The following CDKN2B-AS1 variants were observed in gnomAD, a reference collection of about 807,000 sequenced individuals.
CDKN2B-AS1 encodes the protein CDKN2B antisense RNA 1 (non-protein coding).
chr9:22,050,062 C>G (rs544089712), intron 3 of CDKN2B-AS1, among the ~76,000 whole-genome samples: 1 of 152,186 alleles, frequency 6.6e-6, no homozygotes, highest in African/African-American at 2.4e-5. Context: ...ATCACTTAAC[C>G]AGTTGATTGC....
At position 22,098,551 on chromosome 9, in the gene CDKN2B-AS1, G is replaced by A. The variant is rs532683578; in HGVS notation, n.439-28552G>A. 5.3e-5 allele frequency among the ~76,000 whole-genome samples: 8 copies of A among 152,078 alleles called. No individual in the cohort carries two copies. The South Asian group carries it at 1.5e-3, about 28-fold the overall frequency. On this transcript the variant is annotated intron_variant and non_coding_transcript_variant, in intron 4 of 4. Transcript: ENST00000650946. ...ATGTCAGTAGCATGTTTGCTTTCAGGGTACATCAAATGCATTCTATAGCAC... is the reference window on the plus strand; with the variant it reads ...ATGTCAGTAGCATGTTTGCTTTCAGAGTACATCAAATGCATTCTATAGCAC...
chr9:22,123,152 C>T (rs1404120036), intron 4 of CDKN2B-AS1, among the ~76,000 whole-genome samples: 1 of 152,032 alleles, frequency 6.6e-6, no homozygotes, highest in Admixed American at 6.6e-5. Context: ...GCTTTTTCAG[C>T]TAGTTCATTG....
intron 1 of CDKN2B-AS1, among the ~76,000 whole-genome samples, chr9:22,018,781 AT>A (rs1234002165): frequency 6.6e-6 from 1 of 152,242 alleles, no homozygotes; most frequent in Non-Finnish European, 1.5e-5. Flanking sequence ...GAAATCTTGA[AT>A]AATTAGCTAT....
rs752359825 is a variant in CDKN2B-AS1, at chr9:22,008,791, CAGCT to C, written n.29+13632_29+13635del. The C allele has an allele frequency of 1.8e-5, 29 of 1,606,774 alleles. No individual in the cohort carries two copies. The highest frequency in any genetic ancestry group is 2.5e-5 in the Non-Finnish European group (29 of 1,176,484). On this transcript the variant is annotated intron_variant and non_coding_transcript_variant, in intron 1 of 4. Coordinates refer to ENST00000650946, the Ensembl canonical transcript of CDKN2B-AS1. ...CCCTGCCGGCGAGGCCCTGGGGCCC[CAGCT>C]ACCTGGATCGCGCGCCTCCCGAAAC...
intron 4 of CDKN2B-AS1, among the ~76,000 whole-genome samples, chr9:22,085,427 G>A (rs1417585744): frequency 6.6e-6 from 1 of 152,110 alleles, no homozygotes; most frequent in African/African-American, 2.4e-5. Context: ...ACATATAAAA[G>A]TTCCCTCTCT....
At chr9:22,065,576 C>G (rs573214608) in intron 4 of CDKN2B-AS1, 1 of 152,164 alleles carries the variant, frequency 6.6e-6, no homozygotes. Context: ...ATTGAACGAA[C>G]TTTTTGTTAA....
chr9:22,030,275 G>C (rs1245992287), intron 1 of CDKN2B-AS1: 1 of 152,104 alleles, frequency 6.6e-6, no homozygotes, highest in African/African-American at 2.4e-5. Context: ...AGGTTATACA[G>C]GGGAAGTAGT....
Position 22,039,771 on chromosome 9 carries a change from A to G in CDKN2B-AS1, n.30-6980A>G, listed in dbSNP as rs1298572152. 1.3e-5 allele frequency among the ~76,000 whole-genome samples: 2 copies of G among 151,910 alleles called. No homozygotes were observed. Among genetic ancestry groups the G allele is most frequent in the Non-Finnish European group, 2.9e-5 (2 of 67,926 alleles). On this transcript the variant is annotated intron_variant and non_coding_transcript_variant, in intron 1 of 4. Coordinates refer to ENST00000650946, the Ensembl canonical transcript of CDKN2B-AS1. The surrounding 1 kb of genome is among the most constrained non-coding windows in gnomAD (Gnocchi z 4.4). ...CAGGCCCTCAAAATTTTTTCATTCC[A>G]TTTGTTATGGGCTGAATTGTGTTCC...
chr9:22,126,734 G>A (rs1272150726), intron 4 of CDKN2B-AS1, among the ~76,000 whole-genome samples: 1 of 151,774 alleles, frequency 6.6e-6, no homozygotes, highest in Non-Finnish European at 1.5e-5. Context: ...CACTGCACCC[G>A]GCTAATTTTT....
chr9:22,060,057 G>T (rs988835600), intron 4 of CDKN2B-AS1, among the ~76,000 whole-genome samples: 1 of 152,132 alleles, frequency 6.6e-6, no homozygotes, highest in Non-Finnish European at 1.5e-5. Context: ...TGCCATGAAG[G>T]TCTCTGACAA....
At chr9:22,125,678 A>G (rs911384988) in intron 4 of CDKN2B-AS1, among the ~76,000 whole-genome samples, 9 of 152,358 alleles carry the variant, frequency 5.9e-5, no homozygotes, top group African/African-American at 2.2e-4. Context: ...TTATTCAGCA[A>G]TTATGAGCCC....
At position 22,039,214 on chromosome 9, in the gene CDKN2B-AS1, G is replaced by T. The variant is rs1021603380; in HGVS notation, n.30-7537G>T. On this transcript the variant is annotated intron_variant and non_coding_transcript_variant, in intron 1 of 4. Transcript: ENST00000650946. This position sits in a 1 kb window ranked among gnomAD's most constrained non-coding sequence, Gnocchi z 4.4. ...CCAAATCTTTAGACTTTGTTGCTCGGTGGAACTAGAATCATTAATATCTCA... is the reference window on the plus strand; with the variant it reads ...CCAAATCTTTAGACTTTGTTGCTCGTTGGAACTAGAATCATTAATATCTCA... 6.6e-6 allele frequency among the ~76,000 whole-genome samples: 1 copy of T among 151,866 alleles called. No individual in the cohort carries two copies. Among genetic ancestry groups the T allele is most frequent in the Non-Finnish European group, 1.5e-5 (1 of 67,922 alleles).
At chr9:22,086,275 A>G (rs1466858741) in intron 4 of CDKN2B-AS1, among the ~76,000 whole-genome samples, 1 of 152,200 alleles carries the variant, frequency 6.6e-6, no homozygotes, top group Non-Finnish European at 1.5e-5. Flanking sequence ...CTACTCAGCC[A>G]TTTATTTTAT....
intron 1 of CDKN2B-AS1, among the ~76,000 whole-genome samples, chr9:22,036,889 G>A (rs1224960225): frequency 1.3e-5 from 2 of 152,084 alleles, no homozygotes; most frequent in African/African-American, 4.8e-5. Context: ...ACTGTGGTTA[G>A]ATTCTGGTCA....
chr9:22,028,533 T>C (rs1213707375), intron 1 of CDKN2B-AS1, among the ~76,000 whole-genome samples: 1 of 152,140 alleles, frequency 6.6e-6, no homozygotes, highest in Non-Finnish European at 1.5e-5. Flanking sequence ...AGTTTTAGGA[T>C]TTTAATGTTG....
chr9:22,096,035 T>C lies in CDKN2B-AS1; in HGVS notation n.439-31068T>C, dbSNP rs962596406. Among the ~76,000 whole-genome samples, 26 of 152,178 alleles carry C rather than the reference T, an allele frequency of 1.7e-4. No homozygotes were observed. In the South Asian group the frequency reaches 4.4e-3, roughly 26 times the overall value. ...TTACAAAAAGCTTCTCCCCCGTGGG[T>C]CAAATCTAAGCTGAGTGTTGAGACA... is the stretch of plus-strand genomic sequence containing the variant. On this transcript the variant is annotated intron_variant and non_coding_transcript_variant, in intron 4 of 4. Coordinates refer to ENST00000650946, the Ensembl canonical transcript of CDKN2B-AS1.
chr9:22,005,737 T>A lies in CDKN2B-AS1; in HGVS notation n.29+10576T>A. 1 of 598,746 alleles carries A rather than the reference T, an allele frequency of 1.7e-6. No homozygotes were observed. The highest frequency in any genetic ancestry group is 3.0e-6 in the Non-Finnish European group (1 of 337,274). 37.1% of individuals were successfully genotyped at this position (598,746 alleles called of 1,614,324 possible). A position where few individuals can be genotyped will look rare whatever the true frequency, so the allele number is the denominator to read the frequency against. On this transcript the variant is annotated intron_variant and non_coding_transcript_variant, in intron 1 of 4. Transcript: ENST00000650946. This position sits in a 1 kb window ranked among gnomAD's most constrained non-coding sequence, Gnocchi z 4.9. The stretch of plus-strand genomic sequence containing the variant: ...CGACCCCTGGAATGTCACACACTCC[T>A]AAATATCCCTGGAAATCCGCTTCTC...
chr9:22,029,724 T>G, intron 1 of CDKN2B-AS1: 1 of 424,170 alleles, frequency 2.4e-6, no homozygotes, highest in Non-Finnish European at 4.1e-6. Context: ...TTTCAAATAT[T>G]TTCTTATAAC....
chr9:22,047,591 T>A (rs1242935545), intron 2 of CDKN2B-AS1, among the ~76,000 whole-genome samples: 1 of 152,178 alleles, frequency 6.6e-6, no homozygotes, highest in Non-Finnish European at 1.5e-5. Flanking sequence ...TTATTATGAT[T>A]CTTATAGCTC....
Sources: gnomAD v4.1 joint callset for allele counts (sites outside exome capture counted in the v4.1 genomes callset) on GRCh38, gnomAD v4.1.1 for gene constraint, Gnocchi (gnomAD v3.1) non-coding constraint, MANE v1.5 for transcripts, NCBI Gene and HGNC (gene_info 2026-07-23, HGNC 2026-07-21) for gene names.